Variants in CNTN5 observed in about 807,000 individuals in gnomAD.
CNTN5 encodes contactin 5.
Under a neutral mutation model 129.1 loss-of-function variants are expected in CNTN5, and 77 were observed. That is an observed-to-expected ratio of 0.60 (90% CI 0.50 to 0.72). The LOEUF (loss-of-function observed/expected upper bound fraction) is 0.72. CNTN5 is among the 30% of genes least tolerant of loss of function. CNTN5 has a pLI of 0.00. For missense variants in CNTN5, 1,478 were observed against 1,328.8 expected (o/e 1.11, Z -1.75); for synonymous variants, 509 against 465.6 (o/e 1.09, Z -1.20).
At chr11:99,328,876 A>G (rs1396765346) in intron 2 of CNTN5, among the ~76,000 whole-genome samples, 15 of 145,336 alleles carry the variant, frequency 1.0e-4, no homozygotes, top group Admixed American at 6.2e-4. Flanking sequence ...ATCTCAAAAA[A>G]AAAAAAAAAA....
chr11:100,038,667 A>T (rs1455136290), intron 9 of CNTN5, among the ~76,000 whole-genome samples: 1 of 152,040 alleles, frequency 6.6e-6, no homozygotes, highest in African/African-American at 2.4e-5. Flanking sequence ...TTGGGTGCAT[A>T]TATATTTAGG....
At chr11:99,259,984 G>C (rs1000054981) in intron 1 of CNTN5, among the ~76,000 whole-genome samples, 1 of 151,308 alleles carries the variant, frequency 6.6e-6, no homozygotes, top group East Asian at 1.9e-4. Flanking sequence ...TTGTCAATTT[G>C]TAAGTCCTTT....
At chr11:99,276,783 A>G (rs1863456760) in intron 1 of CNTN5, among the ~76,000 whole-genome samples, 2 of 151,498 alleles carry the variant, frequency 1.3e-5, no homozygotes, top group Admixed American at 1.3e-4. Context: ...AATATTATTT[A>G]AGGGCTACTA....
chr11:99,116,563 C>T (rs796508359), intron 1 of CNTN5, among the ~76,000 whole-genome samples: 2 of 152,206 alleles, frequency 1.3e-5, no homozygotes, highest in African/African-American at 2.4e-5. Context: ...TAAATATTCT[C>T]TCTATATCAT....
chr11:99,492,934 T>A (rs1356562991), intron 2 of CNTN5, among the ~76,000 whole-genome samples: 1 of 152,112 alleles, frequency 6.6e-6, no homozygotes, highest in African/African-American at 2.4e-5. Context: ...GATGAGGACG[T>A]GTTTTTCTCT....
At chr11:100,285,909 C>T (rs910138576) in intron 18 of CNTN5, among the ~76,000 whole-genome samples, 7 of 152,280 alleles carry the variant, frequency 4.6e-5, no homozygotes, top group African/African-American at 9.6e-5. Flanking sequence ...GCACCGTGCG[C>T]GAGCCGAAGC....
At position 99,329,987 on chromosome 11, in the gene CNTN5, A is replaced by G. The variant is rs147753357; in HGVS notation, c.-71+4503A>G. 6.4e-3 allele frequency among the ~76,000 whole-genome samples: 974 copies of G among 151,304 alleles called. 6 individuals carry two copies. Among genetic ancestry groups the G allele is most frequent in the Non-Finnish European group, 0.011 (745 of 67,852 alleles). ...CTTATATTTAAAGCTTGGTATCTGA[A>G]AAGTGTTTAGCAGATGGTTATTATT... is the stretch of plus-strand genomic sequence containing the variant. On this transcript the variant is annotated intron_variant, in intron 2 of 24. Coordinates refer to ENST00000524871, the MANE Select transcript of CNTN5 (RefSeq NM_014361.4).
intron 10 of CNTN5, among the ~76,000 whole-genome samples, chr11:100,068,912 T>G (rs1943797294): frequency 6.6e-6 from 1 of 152,214 alleles, no homozygotes; most frequent in South Asian, 2.1e-4. Context: ...TAAATTTCTT[T>G]AACCTCTTTG....
chr11:99,280,948 A>C (rs563542550), intron 1 of CNTN5, among the ~76,000 whole-genome samples: 1 of 150,976 alleles, frequency 6.6e-6, no homozygotes, highest in Non-Finnish European at 1.5e-5. Flanking sequence ...CAAGGAAATA[A>C]AAAGAGACTT....
chr11:99,939,473 A>G (rs1162436092), intron 7 of CNTN5, among the ~76,000 whole-genome samples: 2 of 152,116 alleles, frequency 1.3e-5, no homozygotes, highest in African/African-American at 2.4e-5. Context: ...CTGTATCTCT[A>G]CAAGGTAAAT....
intron 13 of CNTN5, among the ~76,000 whole-genome samples, chr11:100,096,065 T>C (rs555803556): frequency 6.6e-6 from 1 of 152,190 alleles, no homozygotes; most frequent in Non-Finnish European, 1.5e-5. Flanking sequence ...CCTGTGCAGT[T>C]ACATAAAGCA....
chr11:99,681,652 G>C (rs1421303203), intron 3 of CNTN5, among the ~76,000 whole-genome samples: 1 of 151,954 alleles, frequency 6.6e-6, no homozygotes, highest in Non-Finnish European at 1.5e-5. Context: ...AATTTTTGTG[G>C]CTGTATTGCA....
intron 3 of CNTN5, among the ~76,000 whole-genome samples, chr11:99,784,801 T>C (rs1382037346): frequency 6.8e-6 from 1 of 146,096 alleles, no homozygotes; most frequent in Admixed American, 6.8e-5. Context: ...TTGTGTTTTT[T>C]TTTTTTTTTT....
At position 100,299,291 on chromosome 11, in the gene CNTN5, G is replaced by C. The variant is rs765175673; in HGVS notation, c.2515G>C (p.Glu839Gln). 2.5e-6 allele frequency: 4 copies of C among 1,610,796 alleles called. No individual in the cohort carries two copies. In the South Asian group the frequency reaches 4.4e-5, roughly 18 times the overall value. ...SEASKFIYRDESVPPLTPFEV... is the reference protein window; with the variant it reads ...SEASKFIYRDQSVPPLTPFEV... ...AGCTTCCAAATTCATTTATCGAGAT[G>C]AAAGTGTCCCTCCTCTTACTCCCTT... Residue 839 changes from glutamate to glutamine, a missense_variant, in exon 20 of 25, where the codon GAA (glutamate) becomes CAA (glutamine). By Grantham distance (29) the Glu-to-Gln change is conservative. Transcript: ENST00000524871.
At chr11:99,952,712 A>G (rs1006044044) in intron 7 of CNTN5, among the ~76,000 whole-genome samples, 2 of 152,156 alleles carry the variant, frequency 1.3e-5, no homozygotes, top group Non-Finnish European at 2.9e-5. Context: ...TTATATTTTC[A>G]TAATAAAGAA....
At chr11:99,964,912 T>C (rs1018617181) in intron 8 of CNTN5, among the ~76,000 whole-genome samples, 37 of 152,344 alleles carry the variant, frequency 2.4e-4, no homozygotes, top group African/African-American at 8.2e-4. Context: ...TTGAGGAATT[T>C]ATCCATTTCT....
intron 18 of CNTN5, among the ~76,000 whole-genome samples, chr11:100,285,915 G>T (rs186331818): frequency 6.6e-6 from 1 of 152,218 alleles, no homozygotes; most frequent in African/African-American, 2.4e-5. Context: ...TGCGCGAGCC[G>T]AAGCAGGGCG....
intron 15 of CNTN5, among the ~76,000 whole-genome samples, chr11:100,204,014 A>T (rs945948252): frequency 2.0e-5 from 3 of 151,710 alleles, no homozygotes; most frequent in Non-Finnish European, 4.4e-5. Flanking sequence ...ATTTGCCTCC[A>T]GGCAACTTGA....
At chr11:99,720,069 C>T (rs1943119821) in intron 3 of CNTN5, among the ~76,000 whole-genome samples, 1 of 152,044 alleles carries the variant, frequency 6.6e-6, no homozygotes, top group Non-Finnish European at 1.5e-5. Context: ...ACCCTGGGAC[C>T]TGATGAGTTC....
Sources: allele counts gnomAD v4.1 joint callset (sites outside exome capture counted in the v4.1 genomes callset), GRCh38; gene constraint gnomAD v4.1.1; transcripts MANE v1.5; gene names NCBI Gene and HGNC (gene_info 2026-07-23, HGNC 2026-07-21).